KDM7A: variants seen among roughly 807,000 people sequenced by gnomAD.
KDM7A encodes the protein lysine demethylase 7A.
KDM7A carries 28 observed loss-of-function variants against 114.8 expected under a neutral mutation model. The ratio of observed to expected loss-of-function variants is 0.24; its 90% CI spans 0.18 to 0.33. The LOEUF is 0.33. KDM7A is among the 10% of genes least tolerant of loss of function. The pLI is 1.00. For missense variants in KDM7A, 942 were observed against 1,142.5 expected (o/e 0.82, Z 2.53); for synonymous variants, 423 against 397.8 (o/e 1.06, Z -0.75).
chr7:140,142,131 C>T (rs1794290462), intron 1 of KDM7A, among the ~76,000 whole-genome samples: 1 of 146,662 alleles, frequency 6.8e-6, no homozygotes, highest in South Asian at 2.1e-4. Context: ...AAAATGTATT[C>T]CAAAGTAGAT....
rs1487515253 is a variant in KDM7A at position 140,176,910 on chromosome 7, C to T, written c.28G>A (p.Ala10Thr). 4.1e-5 allele frequency: 48 copies of T among 1,169,714 alleles called. No homozygotes were observed. The highest frequency in any genetic ancestry group is 4.8e-5 in the Non-Finnish European group (45 of 941,900). The allele number at this position is 1,169,714 out of a possible 1,614,324, so 72.5% of individuals were successfully genotyped here. A position where few individuals can be genotyped will look rare whatever the true frequency, so the allele number is the denominator to read the frequency against. MAGAAAAVA[A>T]GAAAGAAAAA... is the part of the protein sequence containing the mutation. ...GCGGCGGCTCCAGCTGCTGCTCCCG[C>T]GGCCACCGCCGCCGCCGCTCCGGCC... The change falls in exon 1 of 20, where the codon GCG becomes ACG. Residue 10 changes from alanine (A) to threonine (T), a missense_variant. This residue lies in a region of KDM7A where 112 missense variants were observed against 96.2 expected (regional missense o/e 1.16). Coordinates refer to ENST00000397560, the MANE Select transcript of KDM7A (RefSeq NM_030647.2). The surrounding 1 kb of genome is among the most constrained non-coding windows in gnomAD (Gnocchi z 4.4).
intron 7 of KDM7A, among the ~76,000 whole-genome samples, chr7:140,120,896 TG>T: frequency 6.6e-6 from 1 of 152,366 alleles, no homozygotes; most frequent in South Asian, 2.1e-4. Flanking sequence ...CGTGAGCCAC[TG>T]TGCCCAGCCT....
At chr7:140,151,032 T>C (rs928702024) in intron 1 of KDM7A, among the ~76,000 whole-genome samples, 2 of 152,146 alleles carry the variant, frequency 1.3e-5, no homozygotes, top group African/African-American at 4.8e-5. Flanking sequence ...GGTTTCACCA[T>C]GTTGGCCAGG....
chr7:140,126,101 T>C (rs958219858), intron 6 of KDM7A, among the ~76,000 whole-genome samples: 1 of 152,066 alleles, frequency 6.6e-6, no homozygotes, highest in Non-Finnish European at 1.5e-5. Flanking sequence ...AGAGACAGGG[T>C]CTCACTATGT....
rs2116754227 is a variant in KDM7A, at chr7:140,102,051, TTCC to T, written c.1535_1537del (p.Arg512del). ...AGTTCGGACATTATGATCTCGAAGT[TTCC>T]TCATCTTTCTTCGGGAATGGTATGG... On this transcript the variant is annotated inframe_deletion, in exon 12 of 20. Transcript: ENST00000397560. 6.2e-7 allele frequency: 1 copy of T among 1,613,924 alleles called. No individual in the cohort carries two copies. The highest frequency in any genetic ancestry group is 8.5e-7 in the Non-Finnish European group (1 of 1,179,780).
intron 1 of KDM7A, among the ~76,000 whole-genome samples, chr7:140,171,730 T>C (rs13309485): frequency 0.22 from 32,755 of 151,176 alleles, 4,299 homozygotes; most frequent in Non-Finnish European, 0.29. Flanking sequence ...TTCTGACTCC[T>C]AGCCCCACTT....
At chr7:140,141,883 G>A (rs1456644788) in intron 1 of KDM7A, among the ~76,000 whole-genome samples, 1 of 150,714 alleles carries the variant, frequency 6.6e-6, no homozygotes, top group Non-Finnish European at 1.5e-5. Flanking sequence ...GATACAGTGA[G>A]ACTCTGTCTC....
In KDM7A at chr7:140,099,298, G is replaced by A. The variant is rs767617900; in HGVS notation, c.1764-265C>T. Among the ~76,000 whole-genome samples, 7 of 152,134 alleles carry A rather than the reference G, an allele frequency of 4.6e-5. No homozygotes were observed. The South Asian group carries it at 6.2e-4, about 14-fold the overall frequency. On this transcript the variant is annotated intron_variant, in intron 13 of 19. Coordinates refer to ENST00000397560, the MANE Select transcript of KDM7A (RefSeq NM_030647.2). ...TAAGTTTGAACTCCTGGGCTCAAGC[G>A]ATCCTCTCACCTCAGTTTCTCAAGT...
chr7:140,091,804 C>T lies in KDM7A; in HGVS notation c.2731G>A (p.Gly911Ser). ...TTCTCTATACATGTGTGAAAGTTAC[C>T]TTTTGTTGCCTGGTTGCTGATAGGT... ...PPPISNQATK[G>S]KRPKKGMATA... The change falls in exon 19 of 20, where the codon GGT becomes AGT. Residue 911 changes from glycine (G) to serine (S), a missense_variant and splice_region_variant. Physicochemically the swap from Gly to Ser is moderately conservative, Grantham distance 56. Around this residue, in one of 4 missense-constraint regions of KDM7A, gnomAD observed 512 missense variants for 576.6 expected, o/e 0.89. Transcript: ENST00000397560. The T allele has an allele frequency of 6.2e-7, 1 of 1,610,810 alleles. No individual in the cohort carries two copies. The highest frequency in any genetic ancestry group is 8.5e-7 in the Non-Finnish European group (1 of 1,179,162).
At chr7:140,160,284 A>G (rs1794504031) in intron 1 of KDM7A, among the ~76,000 whole-genome samples, 1 of 152,168 alleles carries the variant, frequency 6.6e-6, no homozygotes, top group Non-Finnish European at 1.5e-5. Flanking sequence ...AAATGAAACT[A>G]AAAAATCACT....
Position 140,176,251 on chromosome 7 carries a change from G to A in KDM7A, c.194+493C>T, listed in dbSNP as rs42370. ...ACCCGCGGCGCGGAGGAGACGCGGG[G>A]CCGGGGCGACCCCATCGCCGCCCGG... On this transcript the variant is annotated intron_variant, in intron 1 of 19. Coordinates refer to ENST00000397560, the MANE Select transcript of KDM7A (RefSeq NM_030647.2). The surrounding 1 kb of genome is among the most constrained non-coding windows in gnomAD (Gnocchi z 4.4). Among the ~76,000 whole-genome samples, 2 of 151,256 alleles carry A rather than the reference G, an allele frequency of 1.3e-5. No individual in the cohort carries two copies. The highest frequency in any genetic ancestry group is 4.8e-5 in the African/African-American group (2 of 41,288).
intron 1 of KDM7A, among the ~76,000 whole-genome samples, chr7:140,144,127 G>A (rs1420859689): frequency 2.0e-5 from 3 of 152,170 alleles, no homozygotes; most frequent in African/African-American, 7.2e-5. Flanking sequence ...ACTTAACAAA[G>A]CTATGGTAAT....
intron 1 of KDM7A, among the ~76,000 whole-genome samples, chr7:140,175,321 G>A (rs1438160317): frequency 6.6e-6 from 1 of 152,224 alleles, no homozygotes; most frequent in Non-Finnish European, 1.5e-5. Flanking sequence ...AGTAGAGGGA[G>A]ACTAAGACAT....
Position 140,087,042 on chromosome 7 carries a change from G to A in KDM7A, c.*4052C>T, listed in dbSNP as rs377692339. ...TTTTGAAAAAGGCAGAAAGAATCTT[G>A]TCTGTTGAAGATGTCTGGTGGCGTC... On this transcript the variant is annotated 3_prime_UTR_variant, in exon 20 of 20. Coordinates refer to ENST00000397560, the MANE Select transcript of KDM7A (RefSeq NM_030647.2). The A allele has an allele frequency of 1.3e-5, 2 of 152,228 alleles. No individual in the cohort carries two copies. The highest frequency in any genetic ancestry group is 4.8e-5 in the African/African-American group (2 of 41,452). The allele number at this position is 152,228 out of a possible 1,614,324, so 9.4% of individuals were successfully genotyped here. A position where few individuals can be genotyped will look rare whatever the true frequency, so the allele number is the denominator to read the frequency against.
At chr7:140,103,258 C>T (rs1818263015) in intron 11 of KDM7A, among the ~76,000 whole-genome samples, 1 of 151,944 alleles carries the variant, frequency 6.6e-6, no homozygotes, top group Non-Finnish European at 1.5e-5. Context: ...TTTCACTTAG[C>T]AAAATATCTT....
At position 140,137,247 on chromosome 7, in the gene KDM7A, T is replaced by TG. The variant is rs1007899362; in HGVS notation, c.280+1857_280+1858insC. ...CATAGGCAAGCTTCTCTCCAAAGCA[T>TG]AATTACTCAAAGTTAAGTCGTGATC... On this transcript the variant is annotated intron_variant, in intron 2 of 19. Coordinates refer to ENST00000397560, the MANE Select transcript of KDM7A (RefSeq NM_030647.2). Among the ~76,000 whole-genome samples, 48 of 152,186 alleles carry TG rather than the reference T, an allele frequency of 3.2e-4. 1 individual carries two copies. The highest frequency in any genetic ancestry group is 3.1e-3 in the Admixed American group (48 of 15,286).
intron 1 of KDM7A, among the ~76,000 whole-genome samples, chr7:140,156,309 CATA>C (rs1290134539): frequency 3.3e-5 from 5 of 152,210 alleles, no homozygotes; most frequent in Non-Finnish European, 5.9e-5. Context: ...AATGAAATCA[CATA>C]ATTACACAGG....
chr7:140,116,612 G>C (rs1017525241), intron 9 of KDM7A, among the ~76,000 whole-genome samples: 1 of 151,942 alleles, frequency 6.6e-6, no homozygotes, highest in East Asian at 1.9e-4. Flanking sequence ...ACCTGAGTAA[G>C]AACAGCCTTA....
In KDM7A at chr7:140,088,163, C is replaced by G. The variant is rs1372475839; in HGVS notation, c.*2931G>C. ...CTGAGTTTATGATTTCAGTCAGAAT[C>G]TTCAATTCTGTATGCTTAAAAATGA... On this transcript the variant is annotated 3_prime_UTR_variant, in exon 20 of 20. Transcript: ENST00000397560. 3 of 206,350 alleles carry G rather than the reference C, an allele frequency of 1.5e-5. No homozygotes were observed. Among genetic ancestry groups the G allele is most frequent in the African/African-American group, 6.9e-5 (3 of 43,608 alleles). 12.8% of individuals were successfully genotyped at this position (206,350 alleles called of 1,614,324 possible). A position where few individuals can be genotyped will look rare whatever the true frequency, so the allele number is the denominator to read the frequency against.
Sources: allele counts gnomAD v4.1 joint callset (sites outside exome capture counted in the v4.1 genomes callset), GRCh38; gene constraint gnomAD v4.1.1; regional missense constraint gnomAD v4.1.1; non-coding constraint Gnocchi (gnomAD v3.1); transcripts MANE v1.5; gene names NCBI Gene and HGNC (gene_info 2026-07-23, HGNC 2026-07-21).